Variants in DCBLD2 observed in about 807,000 individuals in gnomAD.
The protein encoded by DCBLD2 is discoidin, CUB and LCCL domain-containing protein 2.
In DCBLD2, 54 loss-of-function variants were observed where a neutral mutation model predicts 86.8. The ratio of observed to expected loss-of-function variants is 0.62; its 90% CI spans 0.50 to 0.78. The LOEUF (loss-of-function observed/expected upper bound fraction) is 0.78, where lower values mean the gene tolerates loss of function less well. Among genes scored for constraint, DCBLD2 ranks in the 30% least tolerant of loss-of-function variants. The pLI, the probability that DCBLD2 is intolerant of heterozygous loss-of-function variation, is 0.00. For synonymous variants in DCBLD2, 354 were observed against 341.3 expected (o/e 1.04, Z -0.41); for missense variants, 908 against 954.2 (o/e 0.95, Z 0.64).
chr3:98,851,785 C>CA (rs1942841589), intron 2 of DCBLD2, among the ~76,000 whole-genome samples: 1 of 152,178 alleles, frequency 6.6e-6, no homozygotes. Context: ...TACACAACTA[C>CA]AACCATTTGA....
rs1941602017 is a variant in DCBLD2 at position 98,796,535 on chromosome 3, T to G, written c.*2837A>C. The G allele has an allele frequency of 6.6e-6, 1 of 152,654 alleles. No individual in the cohort carries two copies. Among genetic ancestry groups the G allele is most frequent in the Admixed American group, 6.5e-5 (1 of 15,280 alleles). The allele number at this position is 152,654 out of a possible 1,614,324, so 9.5% of individuals were successfully genotyped here. A position where few individuals can be genotyped will look rare whatever the true frequency, so the allele number is the denominator to read the frequency against. ...TTCATATTTAGATAAGCTCGGACTC[T>G]GCTCCCCTCTTCTGGAGATGGGGAG... On this transcript the variant is annotated 3_prime_UTR_variant, in exon 16 of 16. Transcript: ENST00000326840.
intron 2 of DCBLD2, among the ~76,000 whole-genome samples, chr3:98,866,206 A>C (rs903989530): frequency 6.6e-6 from 1 of 152,102 alleles, no homozygotes; most frequent in East Asian, 1.9e-4. Context: ...ATGATTTATA[A>C]TCCTTTGGGT....
At chr3:98,840,346 T>C (rs1942597614) in intron 3 of DCBLD2, among the ~76,000 whole-genome samples, 1 of 152,166 alleles carries the variant, frequency 6.6e-6, no homozygotes, top group Non-Finnish European at 1.5e-5. Flanking sequence ...AAAGATACAC[T>C]AAAATTTCTG....
rs1491105632 is a variant in DCBLD2, at chr3:98,839,144, C to CTTCCTTCCTTCTTTCT, written c.571+10316_571+10317insAGAAAGAAGGAAGGAA. Among the ~76,000 whole-genome samples, 6 of 111,044 alleles carry CTTCCTTCCTTCTTTCT rather than the reference C, an allele frequency of 5.4e-5. No individual in the cohort carries two copies. In the East Asian group the frequency reaches 6.6e-4, roughly 12 times the overall value. 72.8% of individuals were successfully genotyped at this position (111,044 alleles called of 152,430 possible). A position where few individuals can be genotyped will look rare whatever the true frequency, so the allele number is the denominator to read the frequency against. ...TTTTCTTTCTTTCCTTCCTTCCTTC[C>CTTCCTTCCTTCTTTCT]TTCTTTCTTTCTTTCTTTCTTTCTT... On this transcript the variant is annotated intron_variant, in intron 3 of 15. Transcript: ENST00000326840.
At chr3:98,875,359 G>A (rs1226080434) in intron 2 of DCBLD2, among the ~76,000 whole-genome samples, 1 of 152,068 alleles carries the variant, frequency 6.6e-6, no homozygotes, top group Admixed American at 6.6e-5. Context: ...AACAAAAAAT[G>A]TGTAAACCCT....
chr3:98,888,197 A>G (rs190184902), intron 1 of DCBLD2, among the ~76,000 whole-genome samples: 1 of 152,122 alleles, frequency 6.6e-6, no homozygotes, highest in East Asian at 1.9e-4. Flanking sequence ...CATAAGATGC[A>G]CATGCATTCA....
chr3:98,844,034 G>GCGCACACACACACACACA (rs1553727568), intron 3 of DCBLD2, among the ~76,000 whole-genome samples: 4 of 145,526 alleles, frequency 2.7e-5, no homozygotes, highest in Non-Finnish European at 6.0e-5. Flanking sequence ...AATCATGCAT[G>GCGCACACACACACACACA]CACACACACA....
intron 3 of DCBLD2, among the ~76,000 whole-genome samples, chr3:98,825,643 TTATATATATATATATATATATA>T (rs56736194): frequency 4.3e-5 from 5 of 115,086 alleles, no homozygotes; most frequent in East Asian, 4.0e-4. Flanking sequence ...ATATGTGTAT[TTATATATATATATATATATATA>T]TATATATATA....
rs574991845 is a variant in DCBLD2 at position 98,811,412 on chromosome 3, A to G, written c.1450+56T>C. The G allele has an allele frequency of 8.7e-6, 14 of 1,612,288 alleles. No individual in the cohort carries two copies. In the South Asian group the frequency reaches 1.2e-4, roughly 14 times the overall value. ...GATAATGCTTTTAATATATTTTTGGAAAGTTGCACCATAAATCCAAGGAAT... is the reference window on the plus strand; with the variant it reads ...GATAATGCTTTTAATATATTTTTGGGAAGTTGCACCATAAATCCAAGGAAT... On this transcript the variant is annotated intron_variant, in intron 11 of 15. Transcript: ENST00000326840.
Position 98,811,230 on chromosome 3 carries a change from T to C in DCBLD2, c.1540A>G (p.Ile514Val). ...QTEQTTASPDIRNTTVTPNVT... is the reference protein window; with the variant it reads ...QTEQTTASPDVRNTTVTPNVT... ...TTTGGAGTTACGGTAGTATTTCTGA[T>C]ATCAGGACTGGCAGTTGTTTGTTCT... Residue 514 changes from isoleucine (I) to valine (V), a missense_variant, in exon 12 of 16, where the codon ATC becomes GTC. Ile to Val is a conservative substitution (Grantham distance 29). This residue lies in a region of DCBLD2 where 606 missense variants were observed against 678.5 expected (regional missense o/e 0.89). Coordinates refer to ENST00000326840, the MANE Select transcript of DCBLD2 (RefSeq NM_080927.4). 6.2e-7 allele frequency: 1 copy of C among 1,611,738 alleles called. No individual in the cohort carries two copies. Among genetic ancestry groups the C allele is most frequent in the Non-Finnish European group, 8.5e-7 (1 of 1,179,116 alleles).
At chr3:98,893,561 T>C (rs1242134720) in intron 1 of DCBLD2, among the ~76,000 whole-genome samples, 1 of 152,110 alleles carries the variant, frequency 6.6e-6, no homozygotes, top group South Asian at 2.1e-4. Context: ...ATTTAACAAA[T>C]ATCTGCTGTG....
At chr3:98,895,202 G>A (rs775487216) in intron 1 of DCBLD2, 2 of 152,102 alleles carry the variant, frequency 1.3e-5, no homozygotes, top group Admixed American at 6.6e-5. Context: ...TGAAAGGGAG[G>A]GACCAGACTG....
At chr3:98,836,000 C>T (rs1423588862) in intron 3 of DCBLD2, among the ~76,000 whole-genome samples, 1 of 104,064 alleles carries the variant, frequency 9.6e-6, no homozygotes, top group Non-Finnish European at 1.9e-5. Flanking sequence ...AATCTAAATT[C>T]TTTTGAACTT....
Position 98,881,753 on chromosome 3 carries a change from G to C in DCBLD2, c.220C>G (p.His74Asp). 2 of 1,606,920 alleles carry C rather than the reference G, an allele frequency of 1.2e-6. No homozygotes were observed. The highest frequency in any genetic ancestry group is 1.7e-6 in the Non-Finnish European group (2 of 1,174,684). Residue 74 changes from histidine (H) to aspartate (D), a missense_variant, in exon 2 of 16, where the codon CAC becomes GAC. This residue lies in a region of DCBLD2 where 294 missense variants were observed against 256.0 expected (regional missense o/e 1.15). Transcript: ENST00000326840. ...AGAQQGDGCGHTVLGPESGTL... is the reference protein window; with the variant it reads ...AGAQQGDGCGDTVLGPESGTL... ...CCACTCTCAGGGCCTAGTACAGTGTGTCCACATCCATCACCTTTAAAAAAA... is the reference window on the plus strand; with the variant it reads ...CCACTCTCAGGGCCTAGTACAGTGTCTCCACATCCATCACCTTTAAAAAAA...
intron 9 of DCBLD2, chr3:98,815,548 G>A (rs1001776706): frequency 2.6e-5 from 4 of 151,950 alleles, no homozygotes; most frequent in African/African-American, 4.8e-5. Context: ...AAAAAAATTC[G>A]GGCAGGTAAA....
chr3:98,892,324 C>T (rs962535722), intron 1 of DCBLD2, among the ~76,000 whole-genome samples: 22 of 152,084 alleles, frequency 1.4e-4, no homozygotes, highest in African/African-American at 4.6e-4. Flanking sequence ...AAATGTAACA[C>T]TCTTTCTCCT....
At chr3:98,840,197 C>T (rs1218760424) in intron 3 of DCBLD2, among the ~76,000 whole-genome samples, 2 of 151,964 alleles carry the variant, frequency 1.3e-5, no homozygotes, top group South Asian at 2.1e-4. Flanking sequence ...AATTTATTGC[C>T]GTAATTGAGG....
intron 1 of DCBLD2, among the ~76,000 whole-genome samples, chr3:98,889,426 T>C (rs1943618892): frequency 6.6e-6 from 1 of 151,868 alleles, no homozygotes; most frequent in South Asian, 2.1e-4. Context: ...GACCTGAAAC[T>C]TGGAAATAGG....
At chr3:98,871,506 A>C (rs1487606747) in intron 2 of DCBLD2, among the ~76,000 whole-genome samples, 1 of 152,060 alleles carries the variant, frequency 6.6e-6, no homozygotes, top group African/African-American at 2.4e-5. Flanking sequence ...GCTCAATTTT[A>C]TCAAATGCTT....
Sources: gnomAD v4.1 joint callset for allele counts (sites outside exome capture counted in the v4.1 genomes callset) on GRCh38, gnomAD v4.1.1 for gene constraint, gnomAD v4.1.1 regional missense constraint, MANE v1.5 for transcripts, NCBI Gene and HGNC (gene_info 2026-07-23, HGNC 2026-07-21) for gene names.